The following PYROXD2 variants were observed in gnomAD, a reference collection of about 807,000 sequenced individuals.
PYROXD2 encodes the protein pyridine nucleotide-disulfide oxidoreductase domain-containing protein 2.
A neutral mutation model predicts 71.1 loss-of-function variants in PYROXD2; 69 were observed. The ratio of observed to expected loss-of-function variants is 0.97; its 90% CI spans 0.80 to 1.19. The LOEUF (loss-of-function observed/expected upper bound fraction) is 1.19, where lower values mean the gene tolerates loss of function less well. PYROXD2 is among the 50% of genes most tolerant of loss of function. The pLI is 0.00. For missense variants in PYROXD2, 745 were observed against 748.9 expected, an observed-to-expected ratio of 0.99 and a Z score of 0.06; for synonymous variants, 287 against 302.7, an observed-to-expected ratio of 0.95 and a Z score of 0.54.
At position 98,392,906 on chromosome 10, in the gene PYROXD2, T is replaced by A. The variant is rs200737429; in HGVS notation, c.927+36A>T. 19 of 1,604,754 alleles carry A rather than the reference T, an allele frequency of 1.2e-5. 1 individual carries two copies. Among genetic ancestry groups the A allele is most frequent in the Middle Eastern group, 1.7e-4 (1 of 6,034 alleles). ...AGACTTTGTTCTGTCCTGGGATCCT[T>A]ACTAATAATTGGGGTGGGGTAGAGG... On this transcript the variant is annotated intron_variant, in intron 9 of 15. Coordinates refer to ENST00000370575, the MANE Select transcript of PYROXD2 (RefSeq NM_032709.3).
intron 8 of PYROXD2, 63 bp downstream of exon 8, chr10:98,395,133 T>C: frequency 7.1e-7 from 1 of 1,412,060 alleles, no homozygotes; most frequent in South Asian, 1.2e-5. Context: ...CTGCCACTGT[T>C]GTCCTCACTC....
intron 6 of PYROXD2, among the ~76,000 whole-genome samples, chr10:98,395,717 G>A (rs1183956702): frequency 6.6e-6 from 1 of 152,190 alleles, no homozygotes; most frequent in East Asian, 1.9e-4. Context: ...GCTACGGTGA[G>A]GATTAAATGA....
rs547121319 is a variant in PYROXD2 at position 98,398,269 on chromosome 10, G to A, written c.472-771C>T. Reference sequence around the variant, plus strand: ...CGGTCTGTAGGTCGTCTCCCATGCCGTCTCATCACCTGCAGTCACAGAAGC... The same window carrying A: ...CGGTCTGTAGGTCGTCTCCCATGCCATCTCATCACCTGCAGTCACAGAAGC... On this transcript the variant is annotated intron_variant, in intron 5 of 15. Transcript: ENST00000370575. 4.6e-5 allele frequency among the ~76,000 whole-genome samples: 7 copies of A among 152,072 alleles called. No homozygotes were observed. The South Asian group carries it at 6.2e-4, about 14-fold the overall frequency.
intron 5 of PYROXD2, among the ~76,000 whole-genome samples, chr10:98,399,034 A>G (rs1019866575): frequency 1.3e-5 from 2 of 152,126 alleles, no homozygotes; most frequent in African/African-American, 4.8e-5. Flanking sequence ...CCAGCTACTC[A>G]GGTGGCTGAG....
rs201098004 is a variant in PYROXD2 at position 98,407,664 on chromosome 10, G to A, written c.242-9C>T. 3.7e-5 allele frequency: 60 copies of A among 1,613,638 alleles called. 2 individuals are homozygous for A. The African/African-American group carries it at 7.2e-4, about 19-fold the overall frequency. On this transcript the variant is annotated splice_polypyrimidine_tract_variant and intron_variant, in intron 3 of 15. Coordinates refer to ENST00000370575, the MANE Select transcript of PYROXD2 (RefSeq NM_032709.3). ...GCGGGAGAACTTAAACCCTGAAACC[G>A]AATCCGATGAAGACTGTCACCAGGG...
rs1407741393 is a variant in PYROXD2, at chr10:98,403,273, C to T, written c.316-3016G>A. The stretch of plus-strand genomic sequence containing the variant: ...CCAGGAGGCATCCTTAGTCTCTCTC[C>T]TGGTCATCCTTGACATCCCATCCGC... On this transcript the variant is annotated intron_variant, in intron 4 of 15. Transcript: ENST00000370575. Among the ~76,000 whole-genome samples the T allele has an allele frequency of 1.7e-4, 26 of 152,226 alleles. 1 individual carries two copies. The highest frequency in any genetic ancestry group is 5.9e-5 in the Non-Finnish European group (4 of 68,040).
intron 12 of PYROXD2, among the ~76,000 whole-genome samples, chr10:98,389,220 G>A (rs1842865917): frequency 6.6e-6 from 1 of 151,984 alleles, no homozygotes; most frequent in Non-Finnish European, 1.5e-5. Context: ...AGTAAATGGA[G>A]GCATCATTTC....
intron 1 of PYROXD2, among the ~76,000 whole-genome samples, chr10:98,412,367 C>T (rs992373699): frequency 6.6e-6 from 1 of 152,148 alleles, no homozygotes; most frequent in African/African-American, 2.4e-5. Context: ...CTCTGCTAAT[C>T]CCCAGACCTG....
chr10:98,394,382 G>A (rs1230304154), intron 8 of PYROXD2, among the ~76,000 whole-genome samples: 1 of 152,136 alleles, frequency 6.6e-6, no homozygotes, highest in Non-Finnish European at 1.5e-5. Flanking sequence ...CATCGCCCTG[G>A]GGGAATTTGG....
intron 2 of PYROXD2, among the ~76,000 whole-genome samples, chr10:98,409,760 G>T (rs1843725267): frequency 1.3e-5 from 2 of 152,180 alleles, no homozygotes; most frequent in African/African-American, 4.8e-5. Context: ...TGGCAGAGCT[G>T]GGAGATGAAT....
At chr10:98,390,488 C>T in intron 12 of PYROXD2, 110 bp downstream of exon 12, 3 of 1,284,542 alleles carry the variant, frequency 2.3e-6, no homozygotes, top group Non-Finnish European at 3.2e-6. Context: ...TCCTAAGTCA[C>T]TGTGAAGGTT....
In PYROXD2 at chr10:98,383,707, AC is replaced by A. The variant is rs1842660249; in HGVS notation, c.*90del. On this transcript the variant is annotated 3_prime_UTR_variant, in exon 16 of 16. Transcript: ENST00000370575. ...AGCATTGTGGTGGCCTTATGTACTA[AC>A]CCGAAGCTGAACTTCCTGGGAAGCT... 1 of 1,086,132 alleles carries A rather than the reference AC, an allele frequency of 9.2e-7. No homozygotes were observed. Among genetic ancestry groups the A allele is most frequent in the African/African-American group, 1.5e-5 (1 of 64,686 alleles). 67.3% of individuals were successfully genotyped at this position (1,086,132 alleles called of 1,614,324 possible).
At position 98,415,108 on chromosome 10, in the gene PYROXD2, T is replaced by A. The variant is rs1435015571; in HGVS notation, c.28A>T (p.Lys10Ter). The stretch of plus-strand genomic sequence containing the variant: ...GGGAAGGGAGAGGCGGCCACAGCCT[T>A]GCAGAGACCTCGGCCACTTGCAGCC... MAASGRGLCKAVAASPFPAW... is the reference protein window; with the variant it reads MAASGRGLC The change falls in exon 1 of 16, where the codon AAG becomes TAG. Residue 10 changes from lysine to a stop codon, truncating the protein, a stop_gained. Transcript: ENST00000370575. LOFTEE classifies it high-confidence loss of function. 21 of 1,613,736 alleles carry A rather than the reference T, an allele frequency of 1.3e-5. No homozygotes were observed. Among genetic ancestry groups the A allele is most frequent in the Non-Finnish European group, 1.7e-5 (20 of 1,179,880 alleles).
At chr10:98,412,335 T>TG (rs2136041561) in intron 1 of PYROXD2, among the ~76,000 whole-genome samples, 1 of 152,274 alleles carries the variant, frequency 6.6e-6, no homozygotes, top group African/African-American at 2.4e-5. Flanking sequence ...TCTGTTCCCT[T>TG]GAAGAGGACT....
At chr10:98,385,360 G>A (rs1261584737) in intron 14 of PYROXD2, among the ~76,000 whole-genome samples, 2 of 152,302 alleles carry the variant, frequency 1.3e-5, no homozygotes, top group African/African-American at 2.4e-5. Flanking sequence ...TCCCTCTGTT[G>A]GAAAAACAGA....
rs1843309560 is a variant in PYROXD2 at position 98,399,357 on chromosome 10, G to A, written c.471+745C>T. On this transcript the variant is annotated intron_variant, in intron 5 of 15. Coordinates refer to ENST00000370575, the MANE Select transcript of PYROXD2 (RefSeq NM_032709.3). Reference sequence around the variant, plus strand: ...TATAAAAATGTCTCCACTGAGATATGATTTAATGCTACATCTCAGCTAATA... The same window carrying A: ...TATAAAAATGTCTCCACTGAGATATAATTTAATGCTACATCTCAGCTAATA... Among the ~76,000 whole-genome samples the A allele has an allele frequency of 2.6e-5, 4 of 152,198 alleles. No homozygotes were observed. In the South Asian group the frequency reaches 8.3e-4, roughly 32 times the overall value.
chr10:98,400,176 T>C lies in PYROXD2; in HGVS notation c.397A>G (p.Arg133Gly), dbSNP rs769939539. ...ATGTCTGTGCCCAGCAGAAGGCACC[T>C]GGGCACCTTGCTGCCTGCACCCTCT... ...LEEGAGSKVP[R>G]CLLLGTDMAE... is the part of the protein sequence containing the mutation. Residue 133 changes from arginine to glycine, a missense_variant, in exon 5 of 16, where the codon AGG becomes GGG. Coordinates refer to ENST00000370575, the MANE Select transcript of PYROXD2 (RefSeq NM_032709.3). The C allele has an allele frequency of 5.6e-6, 9 of 1,613,678 alleles. No individual in the cohort carries two copies. Among genetic ancestry groups the C allele is most frequent in the Non-Finnish European group, 6.8e-6 (8 of 1,179,788 alleles).
chr10:98,401,645 T>C (rs550172971), intron 4 of PYROXD2, among the ~76,000 whole-genome samples: 15 of 152,316 alleles, frequency 9.8e-5, no homozygotes, highest in African/African-American at 3.6e-4. Flanking sequence ...TAAGCTTTTT[T>C]CTGTTTTTAA....
At chr10:98,383,962 G>T (rs1442548693) in intron 15 of PYROXD2, 94 bp from the exon 16 acceptor site, 8 of 1,118,056 alleles carry the variant, frequency 7.2e-6, no homozygotes, top group Middle Eastern at 2.3e-4. Flanking sequence ...CAACAAAGCA[G>T]AGTGGGGCTG....
Sources: gnomAD v4.1 joint callset for allele counts (sites outside exome capture counted in the v4.1 genomes callset) on GRCh38, gnomAD v4.1.1 for gene constraint, MANE v1.5 for transcripts, NCBI Gene and HGNC (gene_info 2026-07-23, HGNC 2026-07-21) for gene names.